Variants in ATP1B2 observed in about 807,000 individuals in gnomAD.
The protein encoded by ATP1B2 is ATPase Na+/K+ transporting subunit beta 2.
Under a neutral mutation model 37.3 loss-of-function variants are expected in ATP1B2, and 12 were observed. That is an observed-to-expected ratio of 0.32 (90% confidence interval 0.21 to 0.52). The LOEUF (loss-of-function observed/expected upper bound fraction) is 0.52, where lower values mean the gene tolerates loss of function less well. ATP1B2 is among the 20% of genes least tolerant of loss of function. The pLI, the probability that ATP1B2 is intolerant of heterozygous loss-of-function variation, is 0.96. For synonymous variants in ATP1B2, 139 were observed against 140.5 expected (o/e 0.99, Z 0.07); for missense variants, 324 against 391.6 (o/e 0.83, Z 1.46).
At chr17:7,651,652 G>T in intron 1 of ATP1B2, 22 bp downstream of exon 1, 1 of 1,568,998 alleles carries the variant, frequency 6.4e-7, no homozygotes, top group Non-Finnish European at 8.6e-7. Context: ...CGGCACGCAA[G>T]GGGCGGGGGA....
At position 7,655,681 on chromosome 17, in the gene ATP1B2, G is replaced by C; in HGVS notation, c.709-50G>C. 1.2e-6 allele frequency: 2 copies of C among 1,613,910 alleles called. No individual in the cohort carries two copies. Among genetic ancestry groups the C allele is most frequent in the Non-Finnish European group, 1.7e-6 (2 of 1,179,888 alleles). On this transcript the variant is annotated intron_variant, in intron 6 of 6. Coordinates refer to ENST00000250111, the MANE Select transcript of ATP1B2 (RefSeq NM_001678.5). The surrounding 1 kb of genome is among the most constrained non-coding windows in gnomAD (Gnocchi z 4.4). ...CGGGTGCGGGTGGTGAGCTAGGGAA[G>C]GAGGCCGCGTTGCCCCAGGCCTAGA...
rs1209562709 is a variant in ATP1B2, at chr17:7,651,575, G to C, written c.57G>C (p.Glu19Asp). ...GGCAGGTGGTTGAGGAGTGGAAGGA[G>C]TTCGTGTGGAACCCGAGGACGCACC... ...SCGQVVEEWK[E>D]FVWNPRTHQF... Residue 19 changes from glutamate (E) to aspartate (D), a missense_variant, in exon 1 of 7, where the codon GAG (glutamate) becomes GAC (aspartate). By Grantham distance (45) the Glu-to-Asp change is conservative. Transcript: ENST00000250111. 1 of 1,608,704 alleles carries C rather than the reference G, an allele frequency of 6.2e-7. No homozygotes were observed. Among genetic ancestry groups the C allele is most frequent in the Admixed American group, 1.7e-5 (1 of 59,534 alleles).
rs1052466228 is a variant in ATP1B2 at position 7,656,630 on chromosome 17, C to T, written c.*735C>T. The T allele has an allele frequency of 6.5e-6, 1 of 152,736 alleles. No individual in the cohort carries two copies. The highest frequency in any genetic ancestry group is 6.6e-5 in the Admixed American group (1 of 15,252). 9.5% of individuals were successfully genotyped at this position (152,736 alleles called of 1,614,324 possible). On this transcript the variant is annotated 3_prime_UTR_variant, in exon 7 of 7. Transcript: ENST00000250111. ...CCTGTGTTGACCCTTCCTGAAAATC[C>T]TCTAGCAGCCCCCGACTTCAGCAGT...
rs552092247 is a variant in ATP1B2, at chr17:7,655,172, T to C, written c.610-355T>C. On this transcript the variant is annotated intron_variant, in intron 5 of 6. Coordinates refer to ENST00000250111, the MANE Select transcript of ATP1B2 (RefSeq NM_001678.5). This position sits in a 1 kb window ranked among gnomAD's most constrained non-coding sequence, Gnocchi z 4.4. The stretch of plus-strand genomic sequence containing the variant: ...CTAGAAACTGGCTGCTCCCTCCACA[T>C]CCCCTTCCTTGCTTCCTATTCAACC... The C allele has an allele frequency of 1.7e-5, 6 of 358,042 alleles. No individual in the cohort carries two copies. The South Asian group carries it at 1.7e-4, about 10-fold the overall frequency. 22.2% of individuals were successfully genotyped at this position (358,042 alleles called of 1,614,324 possible). A position where few individuals can be genotyped will look rare whatever the true frequency, so the allele number is the denominator to read the frequency against.
chr17:7,654,075 C>A lies in ATP1B2; in HGVS notation c.370C>A (p.Gln124Lys). ...AGCTTACAACGACTCTATCCAAGCC[C>A]AAAAGAATGATGTCTGCCGCCCTGG... The part of the protein sequence containing the change: ...LEPYNDSIQA[Q>K]KNDVCRPGRY... Residue 124 changes from glutamine to lysine, a missense_variant, in exon 4 of 7, where the codon CAA becomes AAA. By Grantham distance (53) the Gln-to-Lys change is moderately conservative. Transcript: ENST00000250111. The surrounding 1 kb of genome is among the most constrained non-coding windows in gnomAD (Gnocchi z 4.9). 1 of 1,614,134 alleles carries A rather than the reference C, an allele frequency of 6.2e-7. No homozygotes were observed. The highest frequency in any genetic ancestry group is 8.5e-7 in the Non-Finnish European group (1 of 1,180,034).
rs1378440274 is a variant in ATP1B2, at chr17:7,657,714, G to T, written c.*1819G>T. 1.3e-5 allele frequency: 2 copies of T among 152,412 alleles called. No homozygotes were observed. The highest frequency in any genetic ancestry group is 2.9e-5 in the Non-Finnish European group (2 of 68,006). 9.4% of individuals were successfully genotyped at this position (152,412 alleles called of 1,614,324 possible). Reference sequence around the variant, plus strand: ...CTGTGTCAGATCTACTGTAAAAAGAGGATTAAGTAAAATAAAATGAGAGCA... The same window carrying T: ...CTGTGTCAGATCTACTGTAAAAAGATGATTAAGTAAAATAAAATGAGAGCA... On this transcript the variant is annotated 3_prime_UTR_variant, in exon 7 of 7. Coordinates refer to ENST00000250111, the MANE Select transcript of ATP1B2 (RefSeq NM_001678.5).
chr17:7,653,887 T>C lies in ATP1B2; in HGVS notation c.288T>C (p.Asn96=). The C allele has an allele frequency of 6.2e-7, 1 of 1,614,192 alleles. No homozygotes were observed. Among genetic ancestry groups the C allele is most frequent in the Non-Finnish European group, 8.5e-7 (1 of 1,180,038 alleles). ...CTGAGAACCTTGATGTCATTGTCAA[T>C]GTCAGTGACACTGAAAGCTGGGACC... ...PKTENLDVIV[N]VSDTESWDQH... The change falls in exon 3 of 7, where the codon AAT becomes AAC. Residue 96 remains asparagine, a synonymous_variant. Transcript: ENST00000250111.
rs1384808718 is a variant in ATP1B2, at chr17:7,656,836, T to C, written c.*941T>C. Reference sequence around the variant, plus strand: ...CATGCCCGGCTAATTTCTTTCTTTCTTTTTTTTTTTTTTTGCATTTTTTAG... The same window carrying C: ...CATGCCCGGCTAATTTCTTTCTTTCCTTTTTTTTTTTTTTGCATTTTTTAG... On this transcript the variant is annotated 3_prime_UTR_variant, in exon 7 of 7. Coordinates refer to ENST00000250111, the MANE Select transcript of ATP1B2 (RefSeq NM_001678.5). 2 of 60,806 alleles carry C rather than the reference T, an allele frequency of 3.3e-5. No individual in the cohort carries two copies. Among genetic ancestry groups the C allele is most frequent in the African/African-American group, 5.3e-5 (1 of 18,728 alleles). 3.8% of individuals were successfully genotyped at this position (60,806 alleles called of 1,614,324 possible).
rs755048231 is a variant in ATP1B2 at position 7,655,814 on chromosome 17, C to T, written c.792C>T (p.Asn264=). 2.2e-5 allele frequency: 36 copies of T among 1,614,156 alleles called. No homozygotes were observed. The highest frequency in any genetic ancestry group is 9.9e-5 in the South Asian group (9 of 91,080). Residue 264 remains asparagine, a synonymous_variant, in exon 7 of 7, where the codon AAC becomes AAT. Coordinates refer to ENST00000250111, the MANE Select transcript of ATP1B2 (RefSeq NM_001678.5). The surrounding 1 kb of genome is among the most constrained non-coding windows in gnomAD (Gnocchi z 4.4). ...NVEVNVECRI[N]AANIATDDER... ...AGGTGAATGTAGAATGTCGCATCAA[C>T]GCCGCCAACATCGCCACAGACGATG...
At chr17:7,653,147 C>T (rs547549895) in intron 1 of ATP1B2, among the ~76,000 whole-genome samples, 2 of 152,324 alleles carry the variant, frequency 1.3e-5, no homozygotes. Flanking sequence ...TCGGGCTTCA[C>T]TGTGCCCTAG....
At chr17:7,647,057 G>A (rs991598171), upstream of ATP1B2, among the ~76,000 whole-genome samples, 19 of 142,640 alleles carry the variant, frequency 1.3e-4, no homozygotes, top group African/African-American at 3.4e-4. Context: ...CCATGATCAC[G>A]CCACTGCACT....
rs1202243658 is a variant in ATP1B2, at chr17:7,651,325, C to T, written c.-194C>T. Reference sequence around the variant, plus strand: ...GGCCTAGGATCGGTGCATCTTCCGCCGCGCTGCCAGCACCCCGCAGCGCGT... The same window carrying T: ...GGCCTAGGATCGGTGCATCTTCCGCTGCGCTGCCAGCACCCCGCAGCGCGT... On this transcript the variant is annotated 5_prime_UTR_variant, in exon 1 of 7. Coordinates refer to ENST00000250111, the MANE Select transcript of ATP1B2 (RefSeq NM_001678.5). The T allele has an allele frequency of 1.7e-6, 1 of 588,948 alleles. No homozygotes were observed. The highest frequency in any genetic ancestry group is 1.9e-5 in the African/African-American group (1 of 52,782). 36.5% of individuals were successfully genotyped at this position (588,948 alleles called of 1,614,324 possible).
rs2072641665 is a variant in ATP1B2, at chr17:7,655,144, T to C, written c.610-383T>C. 3.0e-6 allele frequency: 1 copy of C among 334,114 alleles called. No individual in the cohort carries two copies. The highest frequency in any genetic ancestry group is 5.6e-6 in the Non-Finnish European group (1 of 179,998). The allele number at this position is 334,114 out of a possible 1,614,324, so 20.7% of individuals were successfully genotyped here. On this transcript the variant is annotated intron_variant, in intron 5 of 6. Coordinates refer to ENST00000250111, the MANE Select transcript of ATP1B2 (RefSeq NM_001678.5). This position sits in a 1 kb window ranked among gnomAD's most constrained non-coding sequence, Gnocchi z 4.4. ...TCCCCGCTTCCCCCCCGGTCTGTCC[T>C]TTCTAGAAACTGGCTGCTCCCTCCA... is the stretch of plus-strand genomic sequence containing the variant.
At position 7,651,157 on chromosome 17, in the gene ATP1B2, G is replaced by T. The variant is rs536470756; in HGVS notation, c.-362G>T. ...GTACCCCGCTTTTTTTCTGCGTTCT[G>T]CTCGGTTTTTGTAGCCGTCTGTTTT... On this transcript the variant is annotated 5_prime_UTR_variant, in exon 1 of 7. Coordinates refer to ENST00000250111, the MANE Select transcript of ATP1B2 (RefSeq NM_001678.5). 21 of 229,378 alleles carry T rather than the reference G, an allele frequency of 9.2e-5. No homozygotes were observed. The South Asian group carries it at 9.8e-4, about 11-fold the overall frequency. 14.2% of individuals were successfully genotyped at this position (229,378 alleles called of 1,614,324 possible).
At chr17:7,650,496 C>G (rs973408587), upstream of ATP1B2, among the ~76,000 whole-genome samples, 1 of 152,114 alleles carries the variant, frequency 6.6e-6, no homozygotes, top group Non-Finnish European at 1.5e-5. Context: ...CTGGTCTCTT[C>G]GCTCTCTTTC....
Position 7,651,633 on chromosome 17 carries a change from ACG to A in ATP1B2, c.112+5_112+6del. 6.3e-7 allele frequency: 1 copy of A among 1,591,874 alleles called. No homozygotes were observed. Among genetic ancestry groups the A allele is most frequent in the Non-Finnish European group, 8.5e-7 (1 of 1,170,160 alleles). On this transcript the variant is annotated splice_donor_5th_base_variant and intron_variant, in intron 1 of 6. Coordinates refer to ENST00000250111, the MANE Select transcript of ATP1B2 (RefSeq NM_001678.5). Reference sequence around the variant, plus strand: ...GGGCCGCACCGGGACCAGCTGGGGTACGCAGGGCCGGCACGCAAGGGGCGGGG... The same window carrying A: ...GGGCCGCACCGGGACCAGCTGGGGTACAGGGCCGGCACGCAAGGGGCGGGG...
In ATP1B2 at chr17:7,655,568, C is replaced by A. The variant is rs772222418; in HGVS notation, c.651C>A (p.Phe217Leu). Residue 217 changes from phenylalanine to leucine, a missense_variant, in exon 6 of 7, where the codon TTC becomes TTA. Coordinates refer to ENST00000250111, the MANE Select transcript of ATP1B2 (RefSeq NM_001678.5). This position sits in a 1 kb window ranked among gnomAD's most constrained non-coding sequence, Gnocchi z 4.4. ...DAENLGNFVM[F>L]PANGNIDLMY... Reference sequence around the variant, plus strand: ...AGAATCTCGGCAACTTCGTCATGTTCCCCGCCAACGGCAACATCGACCTCA... The same window carrying A: ...AGAATCTCGGCAACTTCGTCATGTTACCCGCCAACGGCAACATCGACCTCA... 1 of 1,614,146 alleles carries A rather than the reference C, an allele frequency of 6.2e-7. No homozygotes were observed.
rs777080987 is a variant in ATP1B2, at chr17:7,654,746, G to T, written c.609+62G>T. On this transcript the variant is annotated intron_variant, in intron 5 of 6. Transcript: ENST00000250111. The surrounding 1 kb of genome is among the most constrained non-coding windows in gnomAD (Gnocchi z 4.9). ...GTGGCTCACCTGAGTGTCCTTCATGGTTTCTGTGTAATTCACCTGTCTCTC... is the reference window on the plus strand; with the variant it reads ...GTGGCTCACCTGAGTGTCCTTCATGTTTTCTGTGTAATTCACCTGTCTCTC... The T allele has an allele frequency of 1.3e-6, 2 of 1,565,670 alleles. No individual in the cohort carries two copies. Among genetic ancestry groups the T allele is most frequent in the East Asian group, 4.5e-5 (2 of 44,644 alleles).
In ATP1B2 at chr17:7,651,297, G is replaced by C; in HGVS notation, c.-222G>C. The C allele has an allele frequency of 1.8e-6, 1 of 559,044 alleles. No homozygotes were observed. Among genetic ancestry groups the C allele is most frequent in the Non-Finnish European group, 3.2e-6 (1 of 311,898 alleles). 34.6% of individuals were successfully genotyped at this position (559,044 alleles called of 1,614,324 possible). A position where few individuals can be genotyped will look rare whatever the true frequency, so the allele number is the denominator to read the frequency against. On this transcript the variant is annotated 5_prime_UTR_variant, in exon 1 of 7. Transcript: ENST00000250111. ...ACAGCACCCCTTTTCATCGCAGTTG[G>C]GGGGCCTAGGATCGGTGCATCTTCC...
Sources: gnomAD v4.1 joint callset for allele counts (sites outside exome capture counted in the v4.1 genomes callset) on GRCh38, gnomAD v4.1.1 for gene constraint, Gnocchi (gnomAD v3.1) non-coding constraint, MANE v1.5 for transcripts, NCBI Gene and HGNC (gene_info 2026-07-23, HGNC 2026-07-21) for gene names.